CCDC88A: variants seen among roughly 807,000 people sequenced by gnomAD.
CCDC88A encodes the protein coiled-coil and HOOK domain protein 88A.
Under a neutral mutation model 234.3 loss-of-function variants are expected in CCDC88A, and 54 were observed. The observed-to-expected ratio is 0.23, with a 90% CI of 0.19 to 0.29. The LOEUF (loss-of-function observed/expected upper bound fraction) is 0.29. Ranked by LOEUF, CCDC88A falls within the 10% of genes least tolerant of loss-of-function variation. The pLI is 1.00. For synonymous variants in CCDC88A, 753 were observed against 737.8 expected (o/e 1.02, Z -0.33); for missense variants, 1,832 against 2,123.4 (o/e 0.86, Z 2.70).
At chr2:55,410,346 C>G (rs150349150) in intron 2 of CCDC88A, among the ~76,000 whole-genome samples, 3 of 152,306 alleles carry the variant, frequency 2.0e-5, no homozygotes, top group Non-Finnish European at 4.4e-5. Context: ...TGCTGCAAAA[C>G]TGTGAATTTA....
At chr2:55,338,392 G>A (rs1016864786) in intron 13 of CCDC88A, among the ~76,000 whole-genome samples, 1 of 152,206 alleles carries the variant, frequency 6.6e-6, no homozygotes, top group African/African-American at 2.4e-5. Context: ...ACAGCAGGAT[G>A]AGCATCACTT....
intron 22 of CCDC88A, chr2:55,314,332 T>C (rs1682708284): frequency 6.6e-6 from 1 of 152,154 alleles, no homozygotes; most frequent in African/African-American, 2.4e-5. Flanking sequence ...ACCACTAAGG[T>C]TGTCTCGTTG....
At chr2:55,321,363 A>G (rs1683612065) in intron 18 of CCDC88A, among the ~76,000 whole-genome samples, 1 of 152,050 alleles carries the variant, frequency 6.6e-6, no homozygotes, top group Non-Finnish European at 1.5e-5. Flanking sequence ...CCATCCTGAC[A>G]AGCATGGTGA....
At chr2:55,300,190 T>C (rs1680712137) in intron 28 of CCDC88A, 1 of 362,004 alleles carries the variant, frequency 2.8e-6, no homozygotes, top group Admixed American at 4.3e-5. Context: ...CAGGAGTGTT[T>C]TAGTTAAATA....
chr2:55,299,831 C>T lies in CCDC88A; in HGVS notation c.4825+8G>A. The T allele has an allele frequency of 6.3e-7, 1 of 1,588,216 alleles. No individual in the cohort carries two copies. The highest frequency in any genetic ancestry group is 8.6e-7 in the Non-Finnish European group (1 of 1,156,814). On this transcript the variant is annotated splice_region_variant and intron_variant, in intron 29 of 32. Coordinates refer to ENST00000436346, the MANE Select transcript of CCDC88A (RefSeq NM_001365480.1). ...TAGAGCGCATTAATAAATTTACCTA[C>T]AGCATACCTTTGACTTCATGTAGTG...
intron 3 of CCDC88A, among the ~76,000 whole-genome samples, chr2:55,380,026 C>A (rs1208556089): frequency 1.4e-5 from 2 of 138,812 alleles, no homozygotes; most frequent in Admixed American, 1.7e-4. Context: ...GAGTTCGAGA[C>A]CAGCCTGACC....
chr2:55,359,390 T>C (rs961748660), intron 7 of CCDC88A, among the ~76,000 whole-genome samples: 6 of 151,970 alleles, frequency 3.9e-5, no homozygotes, highest in African/African-American at 1.2e-4. Context: ...ACCTGGTATT[T>C]TAAAAGTTAA....
At chr2:55,407,752 C>G (rs1679839406) in intron 2 of CCDC88A, among the ~76,000 whole-genome samples, 1 of 135,986 alleles carries the variant, frequency 7.4e-6, no homozygotes, top group Non-Finnish European at 1.5e-5. Flanking sequence ...GAGTCTTGCT[C>G]TGTCTTCCAG....
intron 25 of CCDC88A, among the ~76,000 whole-genome samples, chr2:55,303,630 C>G (rs1396850421): frequency 6.6e-6 from 1 of 152,194 alleles, no homozygotes; most frequent in Non-Finnish European, 1.5e-5. Flanking sequence ...ATCCGCCCAC[C>G]TCAGCCTCCC....
At chr2:55,397,107 T>A (rs1677734687) in intron 2 of CCDC88A, 2 of 152,032 alleles carry the variant, frequency 1.3e-5, no homozygotes, top group Admixed American at 1.3e-4. Context: ...AAAATTTTTT[T>A]TGAGATGGAG....
chr2:55,324,189 TTA>T lies in CCDC88A; in HGVS notation c.2998-1499_2998-1498del, dbSNP rs1308334783. 4 of 152,190 alleles carry T rather than the reference TTA, an allele frequency of 2.6e-5. No homozygotes were observed. The South Asian group carries it at 6.2e-4, about 24-fold the overall frequency. The allele number at this position is 152,190 out of a possible 1,614,324, so 9.4% of individuals were successfully genotyped here. On this transcript the variant is annotated intron_variant, in intron 17 of 32. Coordinates refer to ENST00000436346, the MANE Select transcript of CCDC88A (RefSeq NM_001365480.1). ...TAATTAAAATTTAAAATATTGTAAA[TTA>T]TGTTATGAATTCAAATTTTCAAGTT... is the stretch of plus-strand genomic sequence containing the variant.
chr2:55,406,407 A>G (rs1679582706), intron 2 of CCDC88A, among the ~76,000 whole-genome samples: 1 of 152,140 alleles, frequency 6.6e-6, no homozygotes, highest in Non-Finnish European at 1.5e-5. Context: ...CTTTCCATTG[A>G]TATTTCCCTG....
rs980058665 is a variant in CCDC88A at position 55,309,535 on chromosome 2, T to C, written c.4080-281A>G. Among the ~76,000 whole-genome samples the C allele has an allele frequency of 2.0e-5, 3 of 152,322 alleles. No individual in the cohort carries two copies. The highest frequency in any genetic ancestry group is 2.9e-5 in the Non-Finnish European group (2 of 68,008). On this transcript the variant is annotated intron_variant, in intron 23 of 32. Coordinates refer to ENST00000436346, the MANE Select transcript of CCDC88A (RefSeq NM_001365480.1). This position sits in a 1 kb window ranked among gnomAD's most constrained non-coding sequence, Gnocchi z 5.1. ...ACATTGTTTAGTTTGCTTACAATTA[T>C]AGATATAATAAATAATCCTGCAAAC...
intron 2 of CCDC88A, 150 bp downstream of exon 2, chr2:55,418,666 C>T: frequency 1.5e-6 from 1 of 646,466 alleles, no homozygotes; most frequent in Non-Finnish European, 2.8e-6. Context: ...GAGCCCATAA[C>T]ATTAGCATTC....
chr2:55,333,907 A>C (rs1190490432), intron 15 of CCDC88A, among the ~76,000 whole-genome samples, 187 bp downstream of exon 15: 1 of 152,016 alleles, frequency 6.6e-6, no homozygotes, highest in South Asian at 2.1e-4. Flanking sequence ...TTAAAAATAC[A>C]ATTTATAGGT....
At chr2:55,415,184 G>A (rs1444417488) in intron 2 of CCDC88A, among the ~76,000 whole-genome samples, 2 of 151,954 alleles carry the variant, frequency 1.3e-5, no homozygotes, top group African/African-American at 4.8e-5. Context: ...ATTGTGGTGC[G>A]CGTGCCTGTA....
chr2:55,311,893 G>A (rs1022365774), intron 23 of CCDC88A, among the ~76,000 whole-genome samples: 5 of 152,062 alleles, frequency 3.3e-5, no homozygotes, highest in African/African-American at 7.2e-5. Context: ...TTTGTAAACT[G>A]GGTCCTGACT....
intron 2 of CCDC88A, among the ~76,000 whole-genome samples, chr2:55,408,201 C>A (rs552990012): frequency 2.6e-5 from 4 of 152,152 alleles, no homozygotes; most frequent in African/African-American, 9.6e-5. Flanking sequence ...ATTGCAACCT[C>A]CAAAATCTCA....
chr2:55,290,249 A>C lies in CCDC88A; in HGVS notation c.*951T>G, dbSNP rs1457201389. ...TTAATAAATGATAGCCTTAATTATA[A>C]ATGAGTTTCTGGCAAAATGCAGATC... On this transcript the variant is annotated 3_prime_UTR_variant, in exon 33 of 33. Transcript: ENST00000436346. The C allele has an allele frequency of 2.0e-5, 3 of 152,526 alleles. No homozygotes were observed. The highest frequency in any genetic ancestry group is 4.4e-5 in the Non-Finnish European group (3 of 67,954). 9.4% of individuals were successfully genotyped at this position (152,526 alleles called of 1,614,324 possible).
Sources: allele counts gnomAD v4.1 joint callset (sites outside exome capture counted in the v4.1 genomes callset), GRCh38; gene constraint gnomAD v4.1.1; non-coding constraint Gnocchi (gnomAD v3.1); transcripts MANE v1.5; gene names NCBI Gene and HGNC (gene_info 2026-07-23, HGNC 2026-07-21).